Variants in ACTR3B observed in about 807,000 individuals in gnomAD.
The protein encoded by ACTR3B is actin related protein 3B, also known as actin-related protein 3B.
ACTR3B carries 8 observed loss-of-function variants against 59.0 expected under a neutral mutation model. The ratio of observed to expected loss-of-function variants is 0.14; its 90% confidence interval spans 0.08 to 0.24. The LOEUF (loss-of-function observed/expected upper bound fraction) is 0.24. Ranked by LOEUF, ACTR3B falls within the 10% of genes least tolerant of loss-of-function variation. The probability of loss-of-function intolerance (pLI) is 1.00; values close to 1 mark genes in which losing one functional copy is unlikely to be tolerated. For synonymous variants in ACTR3B, 148 were observed against 197.9 expected, an observed-to-expected ratio of 0.75 and a Z score of 2.12; for missense variants, 245 against 552.3, an observed-to-expected ratio of 0.44 and a Z score of 5.58.
chr7:152,831,918 G>A (rs1378892186), intron 9 of ACTR3B, among the ~76,000 whole-genome samples: 1 of 152,212 alleles, frequency 6.6e-6, no homozygotes, highest in Non-Finnish European at 1.5e-5. Context: ...GCCTCGCATG[G>A]AGTTAGATTT....
chr7:152,854,617 A>G lies in ACTR3B; in HGVS notation c.*64A>G, dbSNP rs914548418. 8 of 1,534,834 alleles carry G rather than the reference A, an allele frequency of 5.2e-6. No homozygotes were observed. The highest frequency in any genetic ancestry group is 1.7e-5 in the Admixed American group (1 of 59,460). ...GGAACAAGTGTCCTTCAGAACCCAG[A>G]GAAGGCCGCCGTTCTGTAAATAGCG... On this transcript the variant is annotated 3_prime_UTR_variant, in exon 12 of 12. Transcript: ENST00000256001. The surrounding 1 kb of genome is among the most constrained non-coding windows in gnomAD (Gnocchi z 4.9).
chr7:152,846,892 G>T (rs1205711452), intron 9 of ACTR3B, among the ~76,000 whole-genome samples: 1 of 144,020 alleles, frequency 6.9e-6, no homozygotes, highest in Non-Finnish European at 1.5e-5. Context: ...GAGCCCCAGC[G>T]CCCGGGCTGT....
intron 9 of ACTR3B, among the ~76,000 whole-genome samples, chr7:152,830,505 A>G (rs1796938615): frequency 6.6e-6 from 1 of 152,238 alleles, no homozygotes; most frequent in Non-Finnish European, 1.5e-5. Flanking sequence ...ATTTTAAACT[A>G]GAGAAGCCTG....
chr7:152,812,598 C>A (rs1296484218), intron 4 of ACTR3B: 2 of 135,446 alleles, frequency 1.5e-5, no homozygotes, highest in Non-Finnish European at 3.2e-5. Flanking sequence ...AGTTTTGATA[C>A]ATATAATGTG....
chr7:152,843,813 T>C (rs1798054633), intron 9 of ACTR3B, among the ~76,000 whole-genome samples: 1 of 152,334 alleles, frequency 6.6e-6, no homozygotes, highest in Admixed American at 6.5e-5. Flanking sequence ...AAGTTGGCAG[T>C]TGTACTGTGG....
At chr7:152,762,589 A>G (rs930835981) in intron 1 of ACTR3B, among the ~76,000 whole-genome samples, 5 of 152,194 alleles carry the variant, frequency 3.3e-5, no homozygotes, top group African/African-American at 7.2e-5. Context: ...CCCTTCTAGA[A>G]TCACATTCCA....
chr7:152,825,194 A>G (rs551886493), intron 9 of ACTR3B, 72 bp downstream of exon 9: 1 of 1,387,408 alleles, frequency 7.2e-7, no homozygotes, highest in East Asian at 2.4e-5. Context: ...AGAAGACGGT[A>G]TTACTGTCTA....
At chr7:152,809,417 C>G (rs192081238) in intron 4 of ACTR3B, among the ~76,000 whole-genome samples, 2 of 152,314 alleles carry the variant, frequency 1.3e-5, no homozygotes, top group Admixed American at 6.5e-5. Flanking sequence ...GCGTGCCCCC[C>G]TCGCCTCTTT....
intron 9 of ACTR3B, among the ~76,000 whole-genome samples, chr7:152,847,243 T>C (rs1798423499): frequency 1.3e-5 from 2 of 152,204 alleles, no homozygotes; most frequent in African/African-American, 4.8e-5. Flanking sequence ...TGCCCGGGGC[T>C]GCAGTCCGCT....
At chr7:152,761,018 C>T (rs1563063873) in intron 1 of ACTR3B, among the ~76,000 whole-genome samples, 1 of 152,086 alleles carries the variant, frequency 6.6e-6, no homozygotes, top group Non-Finnish European at 1.5e-5. Flanking sequence ...CCTTGACAAC[C>T]TTGTGGGGGT....
chr7:152,825,432 C>G (rs1232900001), intron 9 of ACTR3B, among the ~76,000 whole-genome samples: 1 of 152,126 alleles, frequency 6.6e-6, no homozygotes, highest in Non-Finnish European at 1.5e-5. Flanking sequence ...CTGCCTCAGC[C>G]TCCTGAGTAG....
At chr7:152,780,691 A>C (rs965533477) in intron 1 of ACTR3B, among the ~76,000 whole-genome samples, 1 of 151,640 alleles carries the variant, frequency 6.6e-6, no homozygotes, top group Non-Finnish European at 1.5e-5. Flanking sequence ...TTGAAGGCCT[A>C]TCAGGTATCT....
At chr7:152,791,233 A>C (rs924782344) in intron 2 of ACTR3B, among the ~76,000 whole-genome samples, 8 of 149,994 alleles carry the variant, frequency 5.3e-5, no homozygotes, top group African/African-American at 2.0e-4. Context: ...CTGGTCTTGA[A>C]CTCCTGGCCT....
chr7:152,787,443 A>T (rs2098178285), intron 2 of ACTR3B, among the ~76,000 whole-genome samples: 1 of 151,896 alleles, frequency 6.6e-6, no homozygotes, highest in African/African-American at 2.4e-5. Flanking sequence ...GAAATTTAAA[A>T]TTTTGATATA....
intron 6 of ACTR3B, among the ~76,000 whole-genome samples, chr7:152,818,893 GT>G (rs1335799862): frequency 6.6e-6 from 1 of 152,090 alleles, no homozygotes; most frequent in African/African-American, 2.4e-5. Context: ...TTTAACCCTA[GT>G]TTTTTTCTCT....
At position 152,812,146 on chromosome 7, in the gene ACTR3B, T is replaced by G. The variant is rs1477683171; in HGVS notation, c.337-2404T>G. 6.9e-5 allele frequency: 6 copies of G among 87,490 alleles called. 2 individuals are homozygous for G. Among genetic ancestry groups the G allele is most frequent in the African/African-American group, 1.9e-4 (6 of 32,252 alleles). 5.4% of individuals were successfully genotyped at this position (87,490 alleles called of 1,614,324 possible). A position where few individuals can be genotyped will look rare whatever the true frequency, so the allele number is the denominator to read the frequency against. ...CCCACGTTCAAGCAATTCTCCTGCC[T>G]CAGCCACCCAAGTAGCTGGGACTAC... On this transcript the variant is annotated intron_variant, in intron 4 of 11. Transcript: ENST00000256001.
rs765947348 is a variant in ACTR3B, at chr7:152,852,244, G to A, written c.1070G>A (p.Arg357Lys). Residue 357 changes from arginine to lysine, a missense_variant, in exon 10 of 12, where the codon AGG becomes AAG. Arg to Lys is a conservative substitution (Grantham distance 26). Around this residue, in one of 7 missense-constraint regions of ACTR3B, gnomAD observed 153 missense variants for 266.2 expected, o/e 0.57. Transcript: ENST00000256001. The stretch of plus-strand genomic sequence containing the variant: ...CTCAGCGAGGAGCTCAGCGGCGGGA[G>A]GATCAAGGTAGGAGCCAGAGGCCTC... ...LRLSEELSGG[R>K]IKPKPVEVQV... The A allele has an allele frequency of 3.1e-6, 5 of 1,612,790 alleles. No individual in the cohort carries two copies. The highest frequency in any genetic ancestry group is 4.2e-6 in the Non-Finnish European group (5 of 1,179,728).
intron 9 of ACTR3B, among the ~76,000 whole-genome samples, chr7:152,835,398 A>C (rs1797367591): frequency 2.0e-5 from 3 of 152,358 alleles, no homozygotes; most frequent in Admixed American, 2.0e-4. Flanking sequence ...TGAATGGTGC[A>C]ATGAAGTGAG....
Position 152,771,714 on chromosome 7 carries a change from G to A in ACTR3B, c.45-11473G>A, listed in dbSNP as rs539587246. ...GAAAGATCATATAATATTAATATAAGGACTCACTGTGAACTGTAAAAAATT... is the reference window on the plus strand; with the variant it reads ...GAAAGATCATATAATATTAATATAAAGACTCACTGTGAACTGTAAAAAATT... On this transcript the variant is annotated intron_variant, in intron 1 of 11. Coordinates refer to ENST00000256001, the MANE Select transcript of ACTR3B (RefSeq NM_020445.6). 2.4e-4 allele frequency among the ~76,000 whole-genome samples: 36 copies of A among 152,266 alleles called. No homozygotes were observed. In the South Asian group the frequency reaches 7.5e-3, roughly 32 times the overall value.
Sources: gnomAD v4.1 joint callset for allele counts (sites outside exome capture counted in the v4.1 genomes callset) on GRCh38, gnomAD v4.1.1 for gene constraint, gnomAD v4.1.1 regional missense constraint, Gnocchi (gnomAD v3.1) non-coding constraint, MANE v1.5 for transcripts, NCBI Gene and HGNC (gene_info 2026-07-23, HGNC 2026-07-21) for gene names.